The following CDH23 variants were observed in gnomAD, a reference collection of about 807,000 sequenced individuals.
The protein encoded by CDH23 is cadherin-23.
In CDH23, 189 loss-of-function variants were observed where a neutral mutation model predicts 317.1. The ratio of observed to expected loss-of-function variants is 0.60; its 90% CI spans 0.53 to 0.67. The LOEUF (loss-of-function observed/expected upper bound fraction) is 0.67, where lower values mean the gene tolerates loss of function less well. Among genes scored for constraint, CDH23 ranks in the 30% least tolerant of loss-of-function variants. The pLI, the probability that CDH23 is intolerant of heterozygous loss-of-function variation, is 0.00. For synonymous variants in CDH23, 1,839 were observed against 1,876.8 expected (o/e 0.98, Z 0.52); for missense variants, 4,401 against 4,592.4 (o/e 0.96, Z 1.20).
intron 9 of CDH23, among the ~76,000 whole-genome samples, chr10:71,611,684 T>C (rs570007762): frequency 4.6e-5 from 7 of 152,346 alleles, no homozygotes; most frequent in East Asian, 1.9e-4. Context: ...AGCAGACCCA[T>C]GATTTGAACC....
intron 40 of CDH23, 73 bp downstream of exon 40, chr10:71,778,381 C>A (rs10823843): frequency 3.9e-4 from 615 of 1,580,716 alleles, no homozygotes; most frequent in South Asian, 7.0e-4. Context: ...AGCTCCGATG[C>A]GGGAAGGGGT....
rs549962883 is a variant in CDH23, at chr10:71,716,336, A to G, written c.3369+3523A>G. The G allele has an allele frequency of 3.5e-5, 51 of 1,471,552 alleles. No homozygotes were observed. The East Asian group carries it at 7.8e-4, about 23-fold the overall frequency. 91.2% of individuals were successfully genotyped at this position (1,471,552 alleles called of 1,614,324 possible). On this transcript the variant is annotated intron_variant, in intron 28 of 69. Coordinates refer to ENST00000224721, the MANE Select transcript of CDH23 (RefSeq NM_022124.6). ...GGCGAGGCTGGGGCCCTCTGTGCTC[A>G]TGGCTCCTGCAACAGCAACAAGACA...
chr10:71,596,575 A>G (rs1222597534), intron 9 of CDH23, among the ~76,000 whole-genome samples: 1 of 152,138 alleles, frequency 6.6e-6, no homozygotes, highest in Non-Finnish European at 1.5e-5. Context: ...TCCAGCCTTT[A>G]TTCGGTCCAC....
chr10:71,781,042 G>A (rs747389483), intron 41 of CDH23, among the ~76,000 whole-genome samples: 4 of 152,082 alleles, frequency 2.6e-5, no homozygotes, highest in Admixed American at 6.6e-5. Flanking sequence ...AAGGAGGGTC[G>A]GTTCGAGATA....
intron 38 of CDH23, among the ~76,000 whole-genome samples, chr10:71,759,448 A>G (rs1840238493): frequency 1.3e-5 from 2 of 151,986 alleles, no homozygotes; most frequent in South Asian, 2.1e-4. Flanking sequence ...TTGAGGCTTC[A>G]GTGAGCTGTG....
At chr10:71,620,257 G>A (rs1215462614) in intron 11 of CDH23, among the ~76,000 whole-genome samples, 1 of 152,158 alleles carries the variant, frequency 6.6e-6, no homozygotes, top group Middle Eastern at 3.2e-3. Flanking sequence ...AGCAGGCCAG[G>A]AAGCGTGGGG....
intron 3 of CDH23, among the ~76,000 whole-genome samples, chr10:71,505,876 C>T (rs1314362361): frequency 1.3e-5 from 2 of 152,176 alleles, no homozygotes; most frequent in Non-Finnish European, 2.9e-5. Context: ...CAATTGTGCT[C>T]CTAAGTATAC....
Position 71,397,816 on chromosome 10 carries a change from CG to C in CDH23, c.-6+499del, listed in dbSNP as rs1458385053. On this transcript the variant is annotated intron_variant, in intron 1 of 69. Transcript: ENST00000224721. The surrounding 1 kb of genome is among the most constrained non-coding windows in gnomAD (Gnocchi z 4.8). ...GAGGCGCTGAGGGGAACTAAAGGCA[CG>C]TAGTTCTCCCCTCCCCTCATCAAGT... is the stretch of plus-strand genomic sequence containing the variant. Among the ~76,000 whole-genome samples, 4 of 152,048 alleles carry C rather than the reference CG, an allele frequency of 2.6e-5. No homozygotes were observed. The highest frequency in any genetic ancestry group is 5.9e-5 in the Non-Finnish European group (4 of 67,986).
intron 3 of CDH23, among the ~76,000 whole-genome samples, chr10:71,506,021 T>C (rs929685333): frequency 1.3e-5 from 2 of 152,232 alleles, no homozygotes; most frequent in Non-Finnish European, 2.9e-5. Context: ...CAAAATGTGT[T>C]ACATTCACAC....
rs548095251 is a variant in CDH23 at position 71,680,684 on chromosome 10, G to T, written c.1858+1192G>T. Reference sequence around the variant, plus strand: ...AATCACTTGAACCTGGGAGGCGGAGGTTGCAGGGAGCCCAGGTTGCACCAC... The same window carrying T: ...AATCACTTGAACCTGGGAGGCGGAGTTTGCAGGGAGCCCAGGTTGCACCAC... On this transcript the variant is annotated intron_variant, in intron 17 of 69. Transcript: ENST00000224721. Among the ~76,000 whole-genome samples the T allele has an allele frequency of 9.0e-5, 13 of 144,102 alleles. No homozygotes were observed. In the South Asian group the frequency reaches 2.9e-3, roughly 33 times the overall value. The allele number at this position is 144,102 out of a possible 152,430, so 94.5% of individuals were successfully genotyped here.
At position 71,803,353 on chromosome 10, in the gene CDH23, T is replaced by A. The variant is rs1841614408; in HGVS notation, c.7805T>A (p.Ile2602Asn). ...ACCACCATGCTCCTGGTGGAGGTCA[T>A]CGACGTCAATGACAACCGCCCTGTC... Reference protein sequence around the residue: ...WGTTMLLVEVIDVNDNRPVFV... With the variant: ...WGTTMLLVEVNDVNDNRPVFV... Residue 2602 changes from isoleucine (I) to asparagine (N), a missense_variant, in exon 55 of 70, where the codon ATC becomes AAC. This residue lies in a region of CDH23 where 1,144 missense variants were observed against 1,138.2 expected (regional missense o/e 1.01). Transcript: ENST00000224721. 6.3e-7 allele frequency: 1 copy of A among 1,598,874 alleles called. No homozygotes were observed. Among genetic ancestry groups the A allele is most frequent in the South Asian group, 1.1e-5 (1 of 88,142 alleles).
chr10:71,771,844 G>A (rs2132913168), intron 38 of CDH23, among the ~76,000 whole-genome samples: 1 of 152,316 alleles, frequency 6.6e-6, no homozygotes, highest in African/African-American at 2.4e-5. Context: ...CCTGTGCCCT[G>A]GATCTCTAGA....
chr10:71,738,997 G>A (rs12217425), intron 35 of CDH23, among the ~76,000 whole-genome samples: 3,285 of 152,360 alleles, frequency 0.022, 215 homozygotes, highest in East Asian at 0.19. Context: ...CATGGCAGGA[G>A]GCGCTTGCTG....
At chr10:71,721,812 T>C (rs1189167983) in intron 28 of CDH23, among the ~76,000 whole-genome samples, 1 of 152,186 alleles carries the variant, frequency 6.6e-6, no homozygotes, top group Non-Finnish European at 1.5e-5. Flanking sequence ...ATTCCACTCT[T>C]CCAACCACAG....
intron 38 of CDH23, among the ~76,000 whole-genome samples, chr10:71,756,446 A>G (rs1284632379): frequency 6.6e-6 from 1 of 152,232 alleles, no homozygotes; most frequent in Non-Finnish European, 1.5e-5. Context: ...CAGCATAACT[A>G]ATAATGTAGC....
intron 32 of CDH23, chr10:71,732,728 CTGGTATCCTTCTG>C: frequency 8.5e-7 from 1 of 1,178,472 alleles, no homozygotes; most frequent in Non-Finnish European, 1.1e-6. Context: ...CCTATGCAGG[CTGGTATCCTTCTG>C]TTTTTCCTTC....
Position 71,510,186 on chromosome 10 carries a change from A to G in CDH23, c.250A>G (p.Thr84Ala). The G allele has an allele frequency of 1.2e-6, 2 of 1,613,882 alleles. No individual in the cohort carries two copies. Among genetic ancestry groups the G allele is most frequent in the Non-Finnish European group, 1.7e-6 (2 of 1,179,864 alleles). Residue 84 changes from threonine (T) to alanine (A), a missense_variant, in exon 4 of 70, where the codon ACT becomes GCT. Coordinates refer to ENST00000224721, the MANE Select transcript of CDH23 (RefSeq NM_022124.6). Reference sequence around the variant, plus strand: ...TCGCTTCTTTGCAGTGGAGCCTGACACTGGCGTGGTGTGGCTCCGGCAGCC... The same window carrying G: ...TCGCTTCTTTGCAGTGGAGCCTGACGCTGGCGTGGTGTGGCTCCGGCAGCC... ...ASRFFAVEPD[T>A]GVVWLRQPLD... is the part of the protein sequence containing the mutation.
At position 71,570,928 on chromosome 10, in the gene CDH23, C is replaced by T; in HGVS notation, c.753+10C>T. On this transcript the variant is annotated intron_variant, in intron 8 of 69. Coordinates refer to ENST00000224721, the MANE Select transcript of CDH23 (RefSeq NM_022124.6). ...CGAGCATTCTCCTCCGGTAAGACTC[C>T]TGGCCCTTCCTTCTCAGAAGTCCCT... 1 of 1,613,490 alleles carries T rather than the reference C, an allele frequency of 6.2e-7. No homozygotes were observed. Among genetic ancestry groups the T allele is most frequent in the Non-Finnish European group, 8.5e-7 (1 of 1,179,634 alleles).
intron 38 of CDH23, among the ~76,000 whole-genome samples, chr10:71,775,917 G>A (rs1840807278): frequency 6.6e-6 from 1 of 152,148 alleles, no homozygotes; most frequent in African/African-American, 2.4e-5. Context: ...GCCCAGCCTT[G>A]AGCCTTCCTG....
Sources: gnomAD v4.1 joint callset for allele counts (sites outside exome capture counted in the v4.1 genomes callset) on GRCh38, gnomAD v4.1.1 for gene constraint, gnomAD v4.1.1 regional missense constraint, Gnocchi (gnomAD v3.1) non-coding constraint, MANE v1.5 for transcripts, NCBI Gene and HGNC (gene_info 2026-07-23, HGNC 2026-07-21) for gene names.